The following AP4B1 variants were observed in gnomAD, a reference collection of about 807,000 sequenced individuals.
AP4B1 encodes adaptor related protein complex 4 subunit beta 1.
AP4B1 carries 49 observed loss-of-function variants against 76.5 expected under a neutral mutation model. The ratio of observed to expected loss-of-function variants is 0.64; its 90% CI spans 0.51 to 0.81. AP4B1 has a LOEUF of 0.81. Ranked by LOEUF, AP4B1 falls within the 40% of genes least tolerant of loss-of-function variation. The pLI is 0.00. For synonymous variants in AP4B1, 330 were observed against 333.3 expected, an observed-to-expected ratio of 0.99 and a Z score of 0.11; for missense variants, 911 against 904.9, an observed-to-expected ratio of 1.01 and a Z score of -0.09.
intron 7 of AP4B1, 42 bp downstream of exon 7, chr1:113,897,798 C>T (rs1463327378): frequency 6.3e-7 from 1 of 1,597,064 alleles, no homozygotes; most frequent in East Asian, 2.2e-5. Context: ...GGGTTTCAAG[C>T]ATTCTCCCCC....
rs955613523 is a variant in AP4B1, at chr1:113,895,825, A to C, written c.1724T>G (p.Ile575Ser). 2 of 1,614,218 alleles carry C rather than the reference A, an allele frequency of 1.2e-6. No individual in the cohort carries two copies. Among genetic ancestry groups the C allele is most frequent in the Non-Finnish European group, 1.7e-6 (2 of 1,180,040 alleles). ...ACGCTCTGCCCCCTGGCATTTAGAG[A>C]TAGTTGCCCAGTGGGCTTTGCCATA... is the stretch of plus-strand genomic sequence containing the variant. Reference protein sequence around the residue: ...PVYGKAHWATISKCQGAERCD... With the variant: ...PVYGKAHWATSSKCQGAERCD... The change falls in exon 9 of 10, where the codon ATC becomes AGC. Residue 575 changes from isoleucine (I) to serine (S), a missense_variant. By Grantham distance (142) the Ile-to-Ser change is moderately radical. Coordinates refer to ENST00000369569, the MANE Select transcript of AP4B1 (RefSeq NM_001253852.3).
At chr1:113,902,248 C>T (rs1287209792) in intron 2 of AP4B1, 4 of 391,082 alleles carry the variant, frequency 1.0e-5, no homozygotes, top group African/African-American at 4.1e-5. Flanking sequence ...CCCAGCTGGT[C>T]TCAAATTCCT....
intron 6 of AP4B1, 27 bp downstream of exon 6, chr1:113,898,691 C>T (rs770112076): frequency 6.3e-7 from 1 of 1,594,834 alleles, no homozygotes; most frequent in Non-Finnish European, 8.5e-7. Context: ...ACAAAAAAAA[C>T]AAAAATCCTA....
At chr1:113,898,093 G>A (rs546394080) in intron 6 of AP4B1, 150 bp from the exon 7 acceptor site, 69 of 1,405,388 alleles carry the variant, frequency 4.9e-5, no homozygotes, top group Non-Finnish European at 5.8e-5. Context: ...TCTAAGAAAT[G>A]TAATGAAATA....
intron 6 of AP4B1, 86 bp from the exon 7 acceptor site, chr1:113,898,029 A>C: frequency 6.3e-7 from 1 of 1,598,550 alleles, no homozygotes; most frequent in East Asian, 2.3e-5. Flanking sequence ...ATTCAGACTC[A>C]TGATTCTGGC....
Position 113,902,719 on chromosome 1 carries a change from G to T in AP4B1, c.257C>A (p.Ala86Asp), listed in dbSNP as rs951126111. The change falls in exon 2 of 10, where the codon GCC becomes GAC. Residue 86 changes from alanine (A) to aspartate (D), a missense_variant. Transcript: ENST00000369569. ...APLKPDLALL[A>D]INTLCKDCSD... The stretch of plus-strand genomic sequence containing the variant: ...GCAGTCTTTGCACAGCGTATTGATG[G>T]CCAGGAGAGCCAGATCTGGTTTCAG... 6.2e-7 allele frequency: 1 copy of T among 1,614,042 alleles called. No homozygotes were observed. The highest frequency in any genetic ancestry group is 1.3e-5 in the African/African-American group (1 of 74,908).
At chr1:113,901,490 A>C in intron 3 of AP4B1, 107 bp from the exon 4 acceptor site, 1 of 1,348,398 alleles carries the variant, frequency 7.4e-7, no homozygotes, top group Non-Finnish European at 1.0e-6. Context: ...TCTCTGCTAC[A>C]AAAATGACAA....
chr1:113,901,632 C>A, intron 3 of AP4B1, 123 bp downstream of exon 3: 1 of 1,432,400 alleles, frequency 7.0e-7, no homozygotes, highest in Non-Finnish European at 9.7e-7. Context: ...GCCCTGCATC[C>A]TACTTAAAGA....
At chr1:113,903,557 C>A (rs967998914) in intron 1 of AP4B1, among the ~76,000 whole-genome samples, 1 of 152,150 alleles carries the variant, frequency 6.6e-6, no homozygotes, top group Non-Finnish European at 1.5e-5. Flanking sequence ...AAGTATTGTA[C>A]AAGGTGTAGA....
At chr1:113,896,199 G>A (rs763410038) in intron 8 of AP4B1, 59 bp downstream of exon 8, 4 of 1,605,444 alleles carry the variant, frequency 2.5e-6, no homozygotes, top group Admixed American at 1.7e-5. Context: ...AACAATGAAA[G>A]CTATTAAGAA....
At chr1:113,902,199 C>T (rs1022517533) in intron 2 of AP4B1, 2 of 407,634 alleles carry the variant, frequency 4.9e-6, no homozygotes, top group Non-Finnish European at 9.2e-6. Context: ...GTCACCATGC[C>T]CATTTAATTT....
Position 113,896,471 on chromosome 1 carries a change from G to C in AP4B1, c.1303-6C>G, listed in dbSNP as rs775188539. The C allele has an allele frequency of 6.2e-7, 1 of 1,613,604 alleles. No homozygotes were observed. On this transcript the variant is annotated splice_region_variant and splice_polypyrimidine_tract_variant and intron_variant, in intron 7 of 9. Coordinates refer to ENST00000369569, the MANE Select transcript of AP4B1 (RefSeq NM_001253852.3). ...CAAATAAGTGCTTGCTTCCCCTAGA[G>C]AATAAAGGAATAAGAGCAAGTGCTC...
intron 5 of AP4B1, 172 bp downstream of exon 5, chr1:113,899,732 A>C (rs533056625): frequency 9.3e-7 from 1 of 1,072,348 alleles, no homozygotes; most frequent in East Asian, 2.4e-5. Flanking sequence ...AAAACAAAAA[A>C]CAAAAAAAAA....
chr1:113,902,614 CCAGA>C lies in AP4B1; in HGVS notation c.338+20_338+23del, dbSNP rs537405509. 672 of 1,607,604 alleles carry C rather than the reference CCAGA, an allele frequency of 4.2e-4. 2 individuals are homozygous for C. The African/African-American group carries it at 8.0e-3, about 19-fold the overall frequency. ...ACTTGAATTCATCAGCCATTTAGGA[CCAGA>C]CAGAGAAGAGGGTACTCACCTGAGG... On this transcript the variant is annotated intron_variant, in intron 2 of 9. Transcript: ENST00000369569.
At chr1:113,903,502 T>G (rs574415785) in intron 1 of AP4B1, among the ~76,000 whole-genome samples, 1 of 152,242 alleles carries the variant, frequency 6.6e-6, no homozygotes, top group Non-Finnish European at 1.5e-5. Context: ...ATGAGCCAGA[T>G]GAGAATACCG....
intron 1 of AP4B1, among the ~76,000 whole-genome samples, chr1:113,903,142 T>C (rs545499110): frequency 3.3e-5 from 5 of 152,370 alleles, no homozygotes; most frequent in Admixed American, 1.3e-4. Flanking sequence ...CTCGGCTCAT[T>C]ATAAGCTCCG....
chr1:113,895,016 G>C lies in AP4B1; in HGVS notation c.*49C>G. On this transcript the variant is annotated 3_prime_UTR_variant, in exon 10 of 10. Coordinates refer to ENST00000369569, the MANE Select transcript of AP4B1 (RefSeq NM_001253852.3). The stretch of plus-strand genomic sequence containing the variant: ...TGGCAGCTCTAATAGGAAAGACTAA[G>C]AAAGTGTAATAGTTATTCATCTTAC... The C allele has an allele frequency of 6.4e-7, 1 of 1,571,110 alleles. No individual in the cohort carries two copies. The highest frequency in any genetic ancestry group is 8.7e-7 in the Non-Finnish European group (1 of 1,151,618).
In AP4B1 at chr1:113,895,421, G is replaced by A. The variant is rs1266835555; in HGVS notation, c.1864C>T (p.Pro622Ser). ...TAATCAGCAGTAAGCTGGCGATTGG[G>A]GACTAGCATGAGGGCTCCAGAATCA... Reference protein sequence around the residue: ...LPDSGALMLVPNRQLTADYFE... With the variant: ...LPDSGALMLVSNRQLTADYFE... Residue 622 changes from proline (P) to serine (S), a missense_variant, in exon 10 of 10, where the codon CCC (proline) becomes TCC (serine). Coordinates refer to ENST00000369569, the MANE Select transcript of AP4B1 (RefSeq NM_001253852.3). The A allele has an allele frequency of 6.2e-7, 1 of 1,614,176 alleles. No homozygotes were observed. The highest frequency in any genetic ancestry group is 2.2e-5 in the East Asian group (1 of 44,888).
chr1:113,894,552 G>A lies in AP4B1; in HGVS notation c.*513C>T, dbSNP rs952688439. On this transcript the variant is annotated 3_prime_UTR_variant, in exon 10 of 10. Transcript: ENST00000369569. Reference sequence around the variant, plus strand: ...GCAGGTGTATAAAGGGAACTGCAATGCAAATGGTTTGCTTCTGCCAGAAAA... The same window carrying A: ...GCAGGTGTATAAAGGGAACTGCAATACAAATGGTTTGCTTCTGCCAGAAAA... 1.3e-5 allele frequency among the ~76,000 whole-genome samples: 2 copies of A among 152,204 alleles called. No individual in the cohort carries two copies. The highest frequency in any genetic ancestry group is 4.8e-5 in the African/African-American group (2 of 41,460).
Sources: gnomAD v4.1 joint callset for allele counts (sites outside exome capture counted in the v4.1 genomes callset) on GRCh38, gnomAD v4.1.1 for gene constraint, MANE v1.5 for transcripts, NCBI Gene and HGNC (gene_info 2026-07-23, HGNC 2026-07-21) for gene names.